The following GALNT1 variants were observed in gnomAD, a reference collection of about 807,000 sequenced individuals.
The protein encoded by GALNT1 is polypeptide N-acetylgalactosaminyltransferase 1, also known as GalNAc transferase 1.
A neutral mutation model predicts 65.7 loss-of-function variants in GALNT1; 17 were observed. The observed-to-expected ratio is 0.26, with a 90% CI of 0.18 to 0.39. The LOEUF (loss-of-function observed/expected upper bound fraction) is 0.39. Among genes scored for constraint, GALNT1 ranks in the 10% least tolerant of loss-of-function variants. GALNT1 has a pLI of 1.00. For synonymous variants in GALNT1, 210 were observed against 219.7 expected, an observed-to-expected ratio of 0.96 and a Z score of 0.39; for missense variants, 460 against 672.8, an observed-to-expected ratio of 0.68 and a Z score of 3.50.
intron 1 of GALNT1, among the ~76,000 whole-genome samples, chr18:35,616,003 AAATG>A (rs1447205144): frequency 4.6e-5 from 7 of 152,196 alleles, no homozygotes; most frequent in Admixed American, 1.3e-4. Context: ...AACCATATAT[AAATG>A]AATGAGAGTG....
At chr18:35,688,580 C>A (rs773070490) in intron 6 of GALNT1, among the ~76,000 whole-genome samples, 5 of 152,112 alleles carry the variant, frequency 3.3e-5, no homozygotes, top group Admixed American at 2.0e-4. Context: ...AGAAAATATA[C>A]CACACAGTCA....
intron 1 of GALNT1, among the ~76,000 whole-genome samples, chr18:35,583,301 A>G (rs1243768970): frequency 6.6e-6 from 1 of 152,180 alleles, no homozygotes; most frequent in Non-Finnish European, 1.5e-5. Flanking sequence ...CAGGATTTCA[A>G]GTTATTTGTG....
chr18:35,612,274 A>T (rs775697812), intron 1 of GALNT1, among the ~76,000 whole-genome samples: 2 of 152,210 alleles, frequency 1.3e-5, no homozygotes, highest in Non-Finnish European at 2.9e-5. Context: ...AAAATAGGGT[A>T]CATCTCCATG....
At chr18:35,666,457 A>G (rs2047550499) in intron 3 of GALNT1, among the ~76,000 whole-genome samples, 1 of 152,208 alleles carries the variant, frequency 6.6e-6, no homozygotes, top group Non-Finnish European at 1.5e-5. Flanking sequence ...TCCACAGTCT[A>G]CAGTTAAAAT....
At chr18:35,709,004 A>G (rs955924881) in intron 11 of GALNT1, among the ~76,000 whole-genome samples, 4 of 152,186 alleles carry the variant, frequency 2.6e-5, no homozygotes, top group African/African-American at 9.7e-5. Flanking sequence ...GTACCACACC[A>G]TCTCCTTTAA....
At chr18:35,604,760 G>A (rs927050893) in intron 1 of GALNT1, among the ~76,000 whole-genome samples, 2 of 152,010 alleles carry the variant, frequency 1.3e-5, no homozygotes, top group African/African-American at 2.4e-5. Context: ...CTTTTAATAG[G>A]ATTGTTTGTT....
chr18:35,686,604 A>G (rs1003846175), intron 5 of GALNT1, among the ~76,000 whole-genome samples: 1 of 152,358 alleles, frequency 6.6e-6, no homozygotes, highest in Admixed American at 6.5e-5. Flanking sequence ...ACAGCAGAAG[A>G]AAAAGGGACC....
chr18:35,590,911 G>A (rs2046435590), intron 1 of GALNT1, among the ~76,000 whole-genome samples: 1 of 152,178 alleles, frequency 6.6e-6, no homozygotes, highest in Admixed American at 6.5e-5. Flanking sequence ...GTGTTTCCAT[G>A]CAAAGGGAAC....
intron 1 of GALNT1, among the ~76,000 whole-genome samples, chr18:35,600,806 G>T (rs1342505851): frequency 1.3e-5 from 2 of 152,054 alleles, no homozygotes; most frequent in Non-Finnish European, 2.9e-5. Context: ...CGTGGTGAAT[G>T]ATTTTTTTAA....
intron 1 of GALNT1, among the ~76,000 whole-genome samples, chr18:35,629,362 T>G (rs1016939431): frequency 6.6e-6 from 1 of 152,186 alleles, no homozygotes; most frequent in African/African-American, 2.4e-5. Context: ...GACTAACAGC[T>G]GATCTCTCAG....
At chr18:35,605,446 C>T (rs2046634247) in intron 1 of GALNT1, among the ~76,000 whole-genome samples, 1 of 148,254 alleles carries the variant, frequency 6.7e-6, no homozygotes, top group South Asian at 2.1e-4. Context: ...TGCCGTGAGC[C>T]AAGATTGTGC....
chr18:35,697,713 C>G (rs376786144), intron 9 of GALNT1, among the ~76,000 whole-genome samples: 15 of 152,176 alleles, frequency 9.9e-5, no homozygotes, highest in African/African-American at 2.7e-4. Flanking sequence ...CCTACAGACA[C>G]TTTGAAAGTG....
chr18:35,653,857 A>G (rs1170283547), intron 1 of GALNT1, among the ~76,000 whole-genome samples: 1 of 152,224 alleles, frequency 6.6e-6, no homozygotes, highest in Non-Finnish European at 1.5e-5. Context: ...GTCAGAGCCA[A>G]GACTAAATGT....
intron 3 of GALNT1, among the ~76,000 whole-genome samples, chr18:35,668,840 A>G (rs1234228506): frequency 6.6e-6 from 1 of 152,244 alleles, no homozygotes; most frequent in Non-Finnish European, 1.5e-5. Flanking sequence ...AATTTTTTAA[A>G]ATTTAGATGA....
At chr18:35,687,654 G>T (rs1447473740) in intron 6 of GALNT1, among the ~76,000 whole-genome samples, 2 of 152,060 alleles carry the variant, frequency 1.3e-5, no homozygotes, top group East Asian at 1.9e-4. Flanking sequence ...CATAAAAATA[G>T]CTAGAATTGA....
Position 35,709,616 on chromosome 18 carries a change from T to C in GALNT1, c.1534-8T>C, listed in dbSNP as rs1354994848. The C allele has an allele frequency of 1.2e-6, 2 of 1,613,130 alleles. No homozygotes were observed. Among genetic ancestry groups the C allele is most frequent in the Admixed American group, 1.7e-5 (1 of 59,748 alleles). On this transcript the variant is annotated splice_polypyrimidine_tract_variant and splice_region_variant and intron_variant, in intron 11 of 11. Coordinates refer to ENST00000269195, the MANE Select transcript of GALNT1 (RefSeq NM_020474.4). ...TCCACTCTCATGTTAAGATTTTTTC[T>C]ATTTCAGAAATTAACCCTGCAGCAT...
chr18:35,629,081 C>T (rs1042275303), intron 1 of GALNT1, among the ~76,000 whole-genome samples: 1 of 152,184 alleles, frequency 6.6e-6, no homozygotes, highest in Non-Finnish European at 1.5e-5. Context: ...AAGACCAAAT[C>T]TACATCTGAT....
At position 35,595,685 on chromosome 18, in the gene GALNT1, A is replaced by G. The variant is rs570556545; in HGVS notation, c.-104+13823A>G. On this transcript the variant is annotated intron_variant, in intron 1 of 11. Transcript: ENST00000269195. ...GGGACAATAAGATAATTTTTTTTAC[A>G]TTATTAAATAGTGGCAATTTTTTTT... 7.2e-5 allele frequency among the ~76,000 whole-genome samples: 11 copies of G among 152,208 alleles called. No homozygotes were observed. The East Asian group carries it at 2.1e-3, about 29-fold the overall frequency.
rs1372511232 is a variant in GALNT1, at chr18:35,612,246, A to G, written c.-104+30384A>G. Among the ~76,000 whole-genome samples, 4 of 152,250 alleles carry G rather than the reference A, an allele frequency of 2.6e-5. No individual in the cohort carries two copies. The East Asian group carries it at 7.7e-4, about 29-fold the overall frequency. On this transcript the variant is annotated intron_variant, in intron 1 of 11. Coordinates refer to ENST00000269195, the MANE Select transcript of GALNT1 (RefSeq NM_020474.4). ...CATGATTCTTATGAAAAGAGAAAAA[A>G]CCTGTTTTAATGAGTTAAAAATAGG...
Sources: gnomAD v4.1 joint callset for allele counts (sites outside exome capture counted in the v4.1 genomes callset) on GRCh38, gnomAD v4.1.1 for gene constraint, MANE v1.5 for transcripts, NCBI Gene and HGNC (gene_info 2026-07-23, HGNC 2026-07-21) for gene names.